The following FRY variants were observed in gnomAD, a reference collection of about 807,000 sequenced individuals.
FRY encodes protein furry homolog.
FRY carries 128 observed loss-of-function variants against 348.4 expected under a neutral mutation model. The ratio of observed to expected loss-of-function variants is 0.37; its 90% CI spans 0.32 to 0.43. The LOEUF is 0.43. Ranked by LOEUF, FRY falls within the 20% of genes least tolerant of loss-of-function variation. The pLI is 1.00. For missense variants in FRY, 2,736 were observed against 3,695.2 expected (o/e 0.74, Z 6.73); for synonymous variants, 1,370 against 1,374.7 (o/e 1.00, Z 0.08).
chr13:32,107,556 G>A (rs1169137418), intron 3 of FRY, among the ~76,000 whole-genome samples: 1 of 152,052 alleles, frequency 6.6e-6, no homozygotes, highest in East Asian at 1.9e-4. Context: ...TTGTTATACA[G>A]CACCTACCTC....
At chr13:32,260,383 AT>A (rs2138538977) in intron 51 of FRY, among the ~76,000 whole-genome samples, 1 of 132,342 alleles carries the variant, frequency 7.6e-6, no homozygotes, top group African/African-American at 2.7e-5. Context: ...GCTGAGTAAT[AT>A]TTTTCTTCCT....
At chr13:32,066,768 C>T (rs777436411) in intron 1 of FRY, among the ~76,000 whole-genome samples, 15 of 152,214 alleles carry the variant, frequency 9.9e-5, no homozygotes, top group Non-Finnish European at 2.1e-4. Context: ...AACCCACTGG[C>T]TCCCAGTGGC....
Position 32,274,854 on chromosome 13 carries a change from A to G in FRY, c.8149A>G (p.Arg2717Gly), listed in dbSNP as rs200755230. ...FSSLFKNIQK[R>G]FCFLTCDAAS... is the part of the protein sequence containing the mutation. ...TTTTGCCTTGCAGAATATTCAGAAA[A>G]GGTTCTGCTTCCTAACCTGTGATGC... The change falls in exon 56 of 61, where the codon AGG becomes GGG. Residue 2717 changes from arginine to glycine, a missense_variant. By Grantham distance (125) the Arg-to-Gly change is moderately radical (BLOSUM62 -2). Around this residue, in one of 9 missense-constraint regions of FRY, gnomAD observed 789 missense variants for 996.2 expected, o/e 0.79. Coordinates refer to ENST00000542859, the MANE Select transcript of FRY (RefSeq NM_023037.3). 7.4e-5 allele frequency: 119 copies of G among 1,613,338 alleles called. 1 individual carries two copies. The African/African-American group carries it at 1.5e-3, about 20-fold the overall frequency.
intron 2 of FRY, among the ~76,000 whole-genome samples, chr13:32,095,488 A>G (rs1413159964): frequency 2.0e-5 from 3 of 151,918 alleles, no homozygotes; most frequent in Non-Finnish European, 4.4e-5. Flanking sequence ...CTGGGATTAC[A>G]GGCGTGCGCC....
intron 1 of FRY, among the ~76,000 whole-genome samples, chr13:32,033,415 C>A (rs765495988): frequency 2.8e-4 from 43 of 152,112 alleles, no homozygotes; most frequent in Non-Finnish European, 4.3e-4. Context: ...CAATTTTTGT[C>A]ATTGCATCAT....
At chr13:32,156,601 C>CAA (rs60522324) in intron 15 of FRY, among the ~76,000 whole-genome samples, 18 of 112,376 alleles carry the variant, frequency 1.6e-4, no homozygotes, top group African/African-American at 5.0e-4. Context: ...AGCTCCATCT[C>CAA]AAAAAAAAAA....
rs202116802 is a variant in FRY, at chr13:32,209,578, G to C, written c.4276-7G>C. Reference sequence around the variant, plus strand: ...CATCTCTTGGGCCGGTTTTTATTTTGTTATAGTATGGAGATGAAGTTCCTG... The same window carrying C: ...CATCTCTTGGGCCGGTTTTTATTTTCTTATAGTATGGAGATGAAGTTCCTG... On this transcript the variant is annotated splice_polypyrimidine_tract_variant and splice_region_variant and intron_variant, in intron 32 of 60. Coordinates refer to ENST00000542859, the MANE Select transcript of FRY (RefSeq NM_023037.3). The C allele has an allele frequency of 6.8e-6, 11 of 1,613,714 alleles. No homozygotes were observed. Among genetic ancestry groups the C allele is most frequent in the Non-Finnish European group, 9.3e-6 (11 of 1,179,852 alleles).
At chr13:32,228,386 T>C (rs1343605862) in intron 39 of FRY, 70 bp from the exon 40 acceptor site, 1 of 1,129,062 alleles carries the variant, frequency 8.9e-7, no homozygotes, top group Non-Finnish European at 1.4e-6. Flanking sequence ...CCCTCCTCTG[T>C]GGACCTCATT....
chr13:32,031,797 TG>T lies in FRY; in HGVS notation c.4del (p.Ala2?), dbSNP rs1872234636. The T allele has an allele frequency of 6.2e-7, 1 of 1,604,484 alleles. No homozygotes were observed. Among genetic ancestry groups the T allele is most frequent in the Non-Finnish European group, 8.5e-7 (1 of 1,172,636 alleles). MASQQDSGFFE... is the reference protein window; with the variant it reads XASQQDSGFFE... ...CCAGCCTCTTTGTATGCCGCAGACA[TG>T]GCCAGCCAGCAGGATTCGGGCTTCT... On this transcript the variant is annotated frameshift_variant and start_lost, in exon 1 of 61. Transcript: ENST00000542859. LOFTEE classifies it high-confidence loss of function.
intron 55 of FRY, among the ~76,000 whole-genome samples, chr13:32,268,497 AAAAAAAAAAT>A (rs1349700669): frequency 6.0e-3 from 92 of 15,412 alleles, no homozygotes; most frequent in African/African-American, 0.013. Context: ...AAAAAAAAAA[AAAAAAAAAAT>A]ATATATATAT....
chr13:32,189,306 A>G (rs907145519), intron 28 of FRY, among the ~76,000 whole-genome samples: 6 of 152,124 alleles, frequency 3.9e-5, no homozygotes, highest in African/African-American at 1.4e-4. Context: ...ATGTTATAAC[A>G]AGTTAGCACA....
At chr13:32,052,442 G>A (rs1033658828) in intron 1 of FRY, among the ~76,000 whole-genome samples, 11 of 152,152 alleles carry the variant, frequency 7.2e-5, no homozygotes, top group Non-Finnish European at 1.0e-4. Context: ...TACCAGGCAT[G>A]CATGTAATTC....
intron 35 of FRY, among the ~76,000 whole-genome samples, chr13:32,212,873 G>A (rs1884763634): frequency 6.6e-6 from 1 of 151,962 alleles, no homozygotes; most frequent in Admixed American, 6.6e-5. Flanking sequence ...CTCCACATTA[G>A]CTCTTTAATA....
At chr13:32,176,169 T>A (rs924411033) in intron 20 of FRY, among the ~76,000 whole-genome samples, 1 of 152,220 alleles carries the variant, frequency 6.6e-6, no homozygotes, top group African/African-American at 2.4e-5. Context: ...GAGAGCTTTA[T>A]CTGCTACACA....
chr13:32,147,534 T>G, intron 12 of FRY, 149 bp downstream of exon 12: 1 of 694,022 alleles, frequency 1.4e-6, no homozygotes, highest in Non-Finnish European at 2.6e-6. Context: ...TTTTCAGGCT[T>G]TCCATAGTCA....
At chr13:32,048,512 ATTGT>A (rs910656222) in intron 1 of FRY, among the ~76,000 whole-genome samples, 13 of 152,212 alleles carry the variant, frequency 8.5e-5, no homozygotes, top group African/African-American at 2.9e-4. Flanking sequence ...TCAGAGAGAA[ATTGT>A]TTGTTTATTT....
chr13:32,070,048 C>T (rs1181003957), intron 1 of FRY, among the ~76,000 whole-genome samples: 1 of 152,074 alleles, frequency 6.6e-6, no homozygotes, highest in African/African-American at 2.4e-5. Flanking sequence ...TGAACTCATC[C>T]TTTTTTGTGG....
Position 32,297,493 on chromosome 13 carries a change from T to TA in FRY, c.*2038dup. 6.6e-6 allele frequency: 1 copy of TA among 151,288 alleles called. No individual in the cohort carries two copies. The allele number at this position is 151,288 out of a possible 1,614,324, so 9.4% of individuals were successfully genotyped here. ...GAGAACCACCGTGATGGTTTACTCT[T>TA]AAAAAGGGAAGGAAAAAAAAAAAGG... On this transcript the variant is annotated 3_prime_UTR_variant, in exon 61 of 61. Coordinates refer to ENST00000542859, the MANE Select transcript of FRY (RefSeq NM_023037.3).
intron 1 of FRY, among the ~76,000 whole-genome samples, chr13:32,046,089 G>C (rs1397584688): frequency 1.3e-5 from 2 of 152,160 alleles, no homozygotes; most frequent in African/African-American, 4.8e-5. Flanking sequence ...ATATCATATT[G>C]TTCTGCCAAA....
Sources: allele counts gnomAD v4.1 joint callset (sites outside exome capture counted in the v4.1 genomes callset), GRCh38; gene constraint gnomAD v4.1.1; regional missense constraint gnomAD v4.1.1; transcripts MANE v1.5; gene names NCBI Gene and HGNC (gene_info 2026-07-23, HGNC 2026-07-21).